Variants in PCDHGA3 observed in about 807,000 individuals in gnomAD.
PCDHGA3 encodes protocadherin gamma subfamily A, 3.
A neutral mutation model predicts 58.5 loss-of-function variants in PCDHGA3; 40 were observed. That is an observed-to-expected ratio of 0.68 (90% CI 0.53 to 0.89). The LOEUF is 0.89. PCDHGA3 is among the 40% of genes least tolerant of loss of function. The probability of loss-of-function intolerance (pLI) is 0.00; values close to 1 mark genes in which losing one functional copy is unlikely to be tolerated. For synonymous variants in PCDHGA3, 530 were observed against 525.7 expected (o/e 1.01, Z -0.11); for missense variants, 1,223 against 1,195.9 (o/e 1.02, Z -0.33).
intron 1 of PCDHGA3, chr5:141,422,082 G>A (rs2096622921): frequency 6.2e-7 from 1 of 1,612,284 alleles, no homozygotes; most frequent in East Asian, 2.2e-5. Context: ...TTCGGAACAT[G>A]GAAAGCAAGG....
intron 1 of PCDHGA3, among the ~76,000 whole-genome samples, chr5:141,353,461 C>T (rs981513754): frequency 6.6e-6 from 1 of 152,096 alleles, no homozygotes; most frequent in Non-Finnish European, 1.5e-5. Context: ...TTAATACAGC[C>T]TTCCAATTAT....
chr5:141,473,974 C>T (rs958240236), intron 1 of PCDHGA3, among the ~76,000 whole-genome samples: 12 of 152,172 alleles, frequency 7.9e-5, no homozygotes, highest in Admixed American at 1.3e-4. Flanking sequence ...AAGTCTGAGG[C>T]GGGAGGATCC....
At chr5:141,376,670 G>A in intron 1 of PCDHGA3, 1 of 694,802 alleles carries the variant, frequency 1.4e-6, no homozygotes, top group Non-Finnish European at 2.2e-6. Context: ...TTCAGGTGAG[G>A]GTATCGTTTT....
intron 1 of PCDHGA3, among the ~76,000 whole-genome samples, chr5:141,463,179 A>G (rs1261927835): frequency 6.6e-6 from 1 of 152,082 alleles, no homozygotes; most frequent in Non-Finnish European, 1.5e-5. Context: ...GTATGCTCAG[A>G]TTATTATTTA....
chr5:141,399,355 C>A (rs1437917208), intron 1 of PCDHGA3: 1 of 1,614,006 alleles, frequency 6.2e-7, no homozygotes, highest in South Asian at 1.1e-5. Flanking sequence ...AGACCGAGAG[C>A]AAACCCCGGA....
intron 1 of PCDHGA3, chr5:141,410,663 T>C (rs2095415377): frequency 6.4e-7 from 1 of 1,570,102 alleles, no homozygotes; most frequent in Non-Finnish European, 8.6e-7. Flanking sequence ...AATAGTCTAC[T>C]AGTTTCTCAT....
At position 141,491,052 on chromosome 5, in the gene PCDHGA3, G is replaced by A. The variant is rs2099707642; in HGVS notation, c.2425-3755G>A. ...ATGCTGATGCAGGCCACAATGCGTG[G>A]CTCTCCTACTCACTGTTGCCACAGT... On this transcript the variant is annotated intron_variant, in intron 1 of 3. Transcript: ENST00000253812. The surrounding 1 kb of genome is among the most constrained non-coding windows in gnomAD (Gnocchi z 6.9). 3.1e-6 allele frequency: 5 copies of A among 1,614,038 alleles called. No individual in the cohort carries two copies. The highest frequency in any genetic ancestry group is 4.2e-6 in the Non-Finnish European group (5 of 1,180,032).
At chr5:141,494,183 G>A (rs971032835) in intron 1 of PCDHGA3, among the ~76,000 whole-genome samples, 2 of 152,146 alleles carry the variant, frequency 1.3e-5, no homozygotes, top group Non-Finnish European at 2.9e-5. Context: ...GAAGTGTCCC[G>A]GGACTTGGAT....
chr5:141,501,343 C>T (rs1202291965), intron 2 of PCDHGA3, among the ~76,000 whole-genome samples: 1 of 150,430 alleles, frequency 6.6e-6, no homozygotes, highest in Non-Finnish European at 1.5e-5. Context: ...ACCCCAAACT[C>T]AATAGGGCAA....
chr5:141,510,529 A>G (rs2099881539), intron 3 of PCDHGA3, among the ~76,000 whole-genome samples: 2 of 152,242 alleles, frequency 1.3e-5, no homozygotes, highest in Admixed American at 6.5e-5. Flanking sequence ...CCCTGAGAGA[A>G]ATACCAGCGA....
At chr5:141,505,650 T>C (rs1595974645) in intron 3 of PCDHGA3, among the ~76,000 whole-genome samples, 169 bp downstream of exon 3, 1 of 152,094 alleles carries the variant, frequency 6.6e-6, no homozygotes, top group East Asian at 1.9e-4. Flanking sequence ...GAATTGTGGC[T>C]AAGGAACAGC....
chr5:141,480,660 C>T (rs535356928), intron 1 of PCDHGA3, among the ~76,000 whole-genome samples: 2 of 152,170 alleles, frequency 1.3e-5, no homozygotes, highest in Non-Finnish European at 2.9e-5. Flanking sequence ...ACATTAAAAT[C>T]ACCTAGAGAC....
In PCDHGA3 at chr5:141,476,686, C is replaced by T. The variant is rs138480390; in HGVS notation, c.2425-18121C>T. On this transcript the variant is annotated intron_variant, in intron 1 of 3. Coordinates refer to ENST00000253812, the MANE Select transcript of PCDHGA3 (RefSeq NM_018916.4). The surrounding 1 kb of genome is among the most constrained non-coding windows in gnomAD (Gnocchi z 7.6). ...TTCGCGTGCAGACGCGGGAGGACAGCACCAAGTACGCGGAGCTGGTGTTGG... is the reference window on the plus strand; with the variant it reads ...TTCGCGTGCAGACGCGGGAGGACAGTACCAAGTACGCGGAGCTGGTGTTGG... 6.2e-7 allele frequency: 1 copy of T among 1,614,126 alleles called. No homozygotes were observed. The highest frequency in any genetic ancestry group is 1.3e-5 in the African/African-American group (1 of 74,952).
At chr5:141,421,044 C>T (rs556562994) in intron 1 of PCDHGA3, 3 of 548,494 alleles carry the variant, frequency 5.5e-6, no homozygotes, top group African/African-American at 1.9e-5. Context: ...CTCCCTCCCC[C>T]GCCTCTACCA....
At chr5:141,470,508 G>A (rs947583701) in intron 1 of PCDHGA3, among the ~76,000 whole-genome samples, 10 of 152,176 alleles carry the variant, frequency 6.6e-5, no homozygotes, top group African/African-American at 2.4e-4. Flanking sequence ...TAATTAGACA[G>A]TTAGCTAATA....
chr5:141,402,816 C>T, intron 1 of PCDHGA3: 1 of 1,261,762 alleles, frequency 7.9e-7, no homozygotes, highest in South Asian at 1.7e-5. Flanking sequence ...ATACCACAAA[C>T]CTGCTCCCAG....
chr5:141,391,756 TAGTA>T (rs1440223357), intron 1 of PCDHGA3: 2 of 152,192 alleles, frequency 1.3e-5, no homozygotes, highest in African/African-American at 2.4e-5. Flanking sequence ...TTTGGCTTCT[TAGTA>T]AGTATTATAT....
At chr5:141,364,906 G>A (rs1432119557) in intron 1 of PCDHGA3, 2 of 1,613,942 alleles carry the variant, frequency 1.2e-6, no homozygotes, top group Admixed American at 3.3e-5. Context: ...AAAAGTATCC[G>A]GAGCTGGTGT....
At chr5:141,369,250 A>G (rs536586980) in intron 1 of PCDHGA3, among the ~76,000 whole-genome samples, 86 of 152,320 alleles carry the variant, frequency 5.6e-4, no homozygotes, top group African/African-American at 2.0e-3. Context: ...ATAATTAAAT[A>G]ATATAATTAT....
Sources: allele counts gnomAD v4.1 joint callset (sites outside exome capture counted in the v4.1 genomes callset), GRCh38; gene constraint gnomAD v4.1.1; non-coding constraint Gnocchi (gnomAD v3.1); transcripts MANE v1.5; gene names NCBI Gene and HGNC (gene_info 2026-07-23, HGNC 2026-07-21).